Variants in CPPED1 observed in about 807,000 individuals in gnomAD.
CPPED1 encodes calcineurin like phosphoesterase domain containing 1.
CPPED1 carries 28 observed loss-of-function variants against 28.0 expected under a neutral mutation model. That is an observed-to-expected ratio of 1.00 (90% CI 0.74 to 1.37). The LOEUF is 1.37. Ranked by LOEUF, CPPED1 falls within the 40% of genes most tolerant of loss-of-function variation. CPPED1 has a pLI of 0.00. For missense variants in CPPED1, 504 were observed against 416.5 expected (o/e 1.21, Z -1.83); for synonymous variants, 198 against 180.2 (o/e 1.10, Z -0.79).
chr16:12,664,198 T>C lies in CPPED1; in HGVS notation c.*688A>G, dbSNP rs1567269667. On this transcript the variant is annotated 3_prime_UTR_variant, in exon 4 of 4. Coordinates refer to ENST00000381774, the MANE Select transcript of CPPED1 (RefSeq NM_018340.3). The surrounding 1 kb of genome is among the most constrained non-coding windows in gnomAD (Gnocchi z 4.2). ...TTTTAGAGCTTTGGTTTCAGTCTCT[T>C]GGAGGAGATTTTCAGAAATGGCCAA... 1 of 193,484 alleles carries C rather than the reference T, an allele frequency of 5.2e-6. No homozygotes were observed. Among genetic ancestry groups the C allele is most frequent in the Admixed American group, 6.5e-5 (1 of 15,338 alleles). The allele number at this position is 193,484 out of a possible 1,614,324, so 12.0% of individuals were successfully genotyped here.
intron 2 of CPPED1, among the ~76,000 whole-genome samples, chr16:12,718,145 T>C (rs540497654): frequency 1.3e-5 from 2 of 152,254 alleles, no homozygotes; most frequent in South Asian, 4.1e-4. Flanking sequence ...ATTTCAATGT[T>C]GAGATACAAG....
At chr16:12,727,477 C>T (rs951824390) in intron 2 of CPPED1, among the ~76,000 whole-genome samples, 1 of 152,110 alleles carries the variant, frequency 6.6e-6, no homozygotes, top group Non-Finnish European at 1.5e-5. Context: ...CTCAGCCTCT[C>T]GAGTAGCTGA....
At position 12,720,608 on chromosome 16, in the gene CPPED1, C is replaced by T. The variant is rs2080134605; in HGVS notation, c.290-15559G>A. On this transcript the variant is annotated intron_variant, in intron 2 of 3. Transcript: ENST00000381774. ...ATTCAAGCGATTCTCCTGACTCAGC[C>T]TCCTGAGTATCTGGTACTACAGGTG... Among the ~76,000 whole-genome samples, 3 of 152,326 alleles carry T rather than the reference C, an allele frequency of 2.0e-5. No homozygotes were observed. The East Asian group carries it at 5.8e-4, about 29-fold the overall frequency.
chr16:12,670,830 T>A lies in CPPED1; in HGVS notation c.716-5715A>T, dbSNP rs1188763185. Among the ~76,000 whole-genome samples, 2 of 152,224 alleles carry A rather than the reference T, an allele frequency of 1.3e-5. No homozygotes were observed. The highest frequency in any genetic ancestry group is 2.9e-5 in the Non-Finnish European group (2 of 68,040). On this transcript the variant is annotated intron_variant, in intron 3 of 3. Coordinates refer to ENST00000381774, the MANE Select transcript of CPPED1 (RefSeq NM_018340.3). This position sits in a 1 kb window ranked among gnomAD's most constrained non-coding sequence, Gnocchi z 4.2. ...TAAATGTAAATGATCCATGTGTTTT[T>A]ATTTTTTTAATTATTTATTTATTTT...
intron 1 of CPPED1, among the ~76,000 whole-genome samples, chr16:12,784,857 T>C (rs983653007): frequency 2.6e-5 from 4 of 152,234 alleles, no homozygotes; most frequent in South Asian, 2.1e-4. Context: ...AAAAAGTCAA[T>C]AGTCCTTGAA....
At position 12,704,953 on chromosome 16, in the gene CPPED1, T is replaced by G; in HGVS notation, c.386A>C (p.Asp129Ala). The G allele has an allele frequency of 6.2e-7, 1 of 1,614,184 alleles. No homozygotes were observed. Among genetic ancestry groups the G allele is most frequent in the Non-Finnish European group, 8.5e-7 (1 of 1,180,018 alleles). ...IPLVLVSGNH[D>A]IGNTPTAETV... ...CTCGGCCGTGGGGGTGTTGCCAATG[T>G]CATGGTTGCCGCTGACAAGGACCAG... The change falls in exon 3 of 4, where the codon GAC becomes GCC. Residue 129 changes from aspartate (D) to alanine (A), a missense_variant. Transcript: ENST00000381774.
At chr16:12,676,015 A>C (rs905739921) in intron 3 of CPPED1, among the ~76,000 whole-genome samples, 2 of 152,190 alleles carry the variant, frequency 1.3e-5, no homozygotes, top group East Asian at 3.8e-4. Flanking sequence ...TGCAGATTGA[A>C]TATGAAGTCA....
chr16:12,684,384 C>T lies in CPPED1; in HGVS notation c.716-19269G>A, dbSNP rs16960521. Among the ~76,000 whole-genome samples, 1,013 of 152,222 alleles carry T rather than the reference C, an allele frequency of 6.7e-3. 67 individuals are homozygous for T. The East Asian group carries it at 0.16, about 24-fold the overall frequency. ...TAAAGCAAAACCACTTGGGCCACTT[C>T]GTCAAGTAAAATTTGAGGGTTCTCC... On this transcript the variant is annotated intron_variant, in intron 3 of 3. Coordinates refer to ENST00000381774, the MANE Select transcript of CPPED1 (RefSeq NM_018340.3).
chr16:12,772,056 G>C (rs1479806700), intron 2 of CPPED1, among the ~76,000 whole-genome samples: 1 of 152,148 alleles, frequency 6.6e-6, no homozygotes, highest in Non-Finnish European at 1.5e-5. Context: ...CCGGGAGGCG[G>C]AGGTTGCAGT....
At chr16:12,772,901 G>A (rs55809530) in intron 2 of CPPED1, among the ~76,000 whole-genome samples, 33,430 of 152,136 alleles carry the variant, frequency 0.22, 4,180 homozygotes, top group East Asian at 0.3. Context: ...GCTGGGACTC[G>A]GGCAGTGCCC....
intron 2 of CPPED1, among the ~76,000 whole-genome samples, chr16:12,772,385 G>A (rs1298975064): frequency 5.3e-5 from 8 of 152,136 alleles, no homozygotes; most frequent in Non-Finnish European, 1.2e-4. Context: ...GCACTCTACT[G>A]ATTTGCTTCC....
chr16:12,787,725 C>T (rs533246919), intron 1 of CPPED1, among the ~76,000 whole-genome samples: 28 of 152,192 alleles, frequency 1.8e-4, no homozygotes, highest in Middle Eastern at 6.8e-3. Flanking sequence ...ACTTTTTCAA[C>T]GTTAATTTTT....
intron 3 of CPPED1, among the ~76,000 whole-genome samples, chr16:12,703,853 T>C (rs943481865): frequency 2.0e-5 from 3 of 151,974 alleles, no homozygotes; most frequent in Non-Finnish European, 4.4e-5. Flanking sequence ...ACCAGAAAGA[T>C]AAAGGAGGTG....
intron 3 of CPPED1, among the ~76,000 whole-genome samples, chr16:12,701,758 AGCT>A (rs2080021918): frequency 6.6e-6 from 1 of 152,210 alleles, no homozygotes; most frequent in Non-Finnish European, 1.5e-5. Flanking sequence ...CACAGTGCAG[AGCT>A]GCTGCTAAGA....
intron 3 of CPPED1, among the ~76,000 whole-genome samples, chr16:12,678,789 G>T (rs978793763): frequency 6.6e-6 from 1 of 151,844 alleles, no homozygotes; most frequent in African/African-American, 2.4e-5. Context: ...TTATTTTGTA[G>T]ATTCCTGGGA....
chr16:12,743,159 G>A (rs746081966), intron 2 of CPPED1, among the ~76,000 whole-genome samples: 4 of 152,180 alleles, frequency 2.6e-5, no homozygotes, highest in African/African-American at 9.7e-5. Context: ...TCAGATGCAC[G>A]CCAAGTGCTA....
chr16:12,752,702 A>G (rs1274948469), intron 2 of CPPED1, among the ~76,000 whole-genome samples: 1 of 147,484 alleles, frequency 6.8e-6, no homozygotes, highest in Non-Finnish European at 1.5e-5. Flanking sequence ...TGCAAACTAA[A>G]ACACATGCCA....
intron 2 of CPPED1, among the ~76,000 whole-genome samples, chr16:12,731,669 G>A (rs1392639027): frequency 6.7e-6 from 1 of 149,260 alleles, no homozygotes; most frequent in African/African-American, 2.5e-5. Context: ...CCGTGGGCGA[G>A]AAGGCCTCCC....
intron 2 of CPPED1, among the ~76,000 whole-genome samples, chr16:12,717,499 C>T (rs1028999586): frequency 2.6e-5 from 4 of 152,128 alleles, no homozygotes; most frequent in Non-Finnish European, 5.9e-5. Context: ...CTCCTGACCT[C>T]GTGACCTGCC....
Sources: allele counts gnomAD v4.1 joint callset (sites outside exome capture counted in the v4.1 genomes callset), GRCh38; gene constraint gnomAD v4.1.1; non-coding constraint Gnocchi (gnomAD v3.1); transcripts MANE v1.5; gene names NCBI Gene and HGNC (gene_info 2026-07-23, HGNC 2026-07-21).